The following ZFP82 variants were observed in gnomAD, a reference collection of about 807,000 sequenced individuals.
ZFP82 encodes ZFP82 zinc finger protein, also known as zinc finger protein 82 homolog.
A neutral mutation model predicts 54.0 loss-of-function variants in ZFP82; 30 were observed. The observed-to-expected ratio is 0.56, with a 90% CI of 0.42 to 0.75. ZFP82 has a LOEUF of 0.75. ZFP82 is among the 30% of genes least tolerant of loss of function. The pLI, the probability that ZFP82 is intolerant of heterozygous loss-of-function variation, is 0.00. For synonymous variants in ZFP82, 194 were observed against 209.5 expected, an observed-to-expected ratio of 0.93 and a Z score of 0.64; for missense variants, 500 against 636.8, an observed-to-expected ratio of 0.79 and a Z score of 2.31.
chr19:36,408,105 G>T, intron 2 of ZFP82, 92 bp from the exon 3 acceptor site: 1 of 1,406,446 alleles, frequency 7.1e-7, no homozygotes, highest in Non-Finnish European at 9.7e-7. Context: ...TGCAGGAAGT[G>T]GATCATATGG....
chr19:36,400,129 T>C (rs1188633479), intron 4 of ZFP82, among the ~76,000 whole-genome samples: 1 of 152,266 alleles, frequency 6.6e-6, no homozygotes, highest in Non-Finnish European at 1.5e-5. Flanking sequence ...ATCAAAGGAT[T>C]TCTAGTCCAT....
chr19:36,402,589 A>G (rs914968085), intron 4 of ZFP82, among the ~76,000 whole-genome samples: 4 of 152,150 alleles, frequency 2.6e-5, no homozygotes, highest in African/African-American at 9.7e-5. Flanking sequence ...AAATGGTCCT[A>G]TGGTTATAAA....
rs368377208 is a variant in ZFP82, at chr19:36,393,879, C to T, written c.461G>A (p.Arg154His). Residue 154 changes from arginine (R) to histidine (H), a missense_variant, in exon 5 of 5, where the codon CGC becomes CAC. Physicochemically the swap from Arg to His is conservative, Grantham distance 29 (BLOSUM62 0). Transcript: ENST00000392161. ...TCTCTGATGTGGAGTAACAGATGTGCGTTTCTGGTAAGAGGACACCTTTTC... is the reference window on the plus strand; with the variant it reads ...TCTCTGATGTGGAGTAACAGATGTGTGTTTCTGGTAAGAGGACACCTTTTC... ...PSEKVSSYQK[R>H]TSVTPHQRLH... 9.9e-6 allele frequency: 16 copies of T among 1,614,132 alleles called. No individual in the cohort carries two copies. The highest frequency in any genetic ancestry group is 4.0e-5 in the African/African-American group (3 of 75,032).
chr19:36,389,002 T>G lies in ZFP82; in HGVS notation c.*3739A>C, dbSNP rs1180734801. 6.6e-6 allele frequency among the ~76,000 whole-genome samples: 1 copy of G among 152,038 alleles called. No homozygotes were observed. Among genetic ancestry groups the G allele is most frequent in the Non-Finnish European group, 1.5e-5 (1 of 68,004 alleles). ...TTATCTGTAGGCAACATGTGATCAT[T>G]CATCACTAAATAGTCTACAATTTCA... On this transcript the variant is annotated 3_prime_UTR_variant, in exon 5 of 5. Transcript: ENST00000392161.
chr19:36,393,768 A>T lies in ZFP82; in HGVS notation c.572T>A (p.Ile191Asn), dbSNP rs779465110. ...TTCATACGGTTTTTCACCAGTATGA[A>T]TTCTGTGATGAAAAGTAAGCTGTTG... ...VRQQLTFHHR[I>N]HTGEKPYECK... Residue 191 changes from isoleucine to asparagine, a missense_variant, in exon 5 of 5, where the codon ATT (isoleucine) becomes AAT (asparagine). Transcript: ENST00000392161. 11 of 1,614,052 alleles carry T rather than the reference A, an allele frequency of 6.8e-6. No homozygotes were observed. Among genetic ancestry groups the T allele is most frequent in the Non-Finnish European group, 9.3e-6 (11 of 1,180,018 alleles).
chr19:36,411,721 C>A (rs1226445089), intron 1 of ZFP82, among the ~76,000 whole-genome samples: 2 of 151,810 alleles, frequency 1.3e-5, no homozygotes, highest in Non-Finnish European at 2.9e-5. Flanking sequence ...AAAAATTAGC[C>A]GGGCATGGTG....
chr19:36,399,306 G>T (rs2032346212), intron 4 of ZFP82, among the ~76,000 whole-genome samples: 1 of 152,170 alleles, frequency 6.6e-6, no homozygotes, highest in Admixed American at 6.5e-5. Flanking sequence ...AGAAGCTAAG[G>T]GTGCCCCACC....
At chr19:36,413,642 A>G in intron 1 of ZFP82, among the ~76,000 whole-genome samples, 1 of 152,184 alleles carries the variant, frequency 6.6e-6, no homozygotes, top group East Asian at 1.9e-4. Flanking sequence ...TATTAAAAAT[A>G]CAGGCTTTGT....
chr19:36,404,261 C>T (rs998595511), intron 4 of ZFP82, among the ~76,000 whole-genome samples: 1 of 152,198 alleles, frequency 6.6e-6, no homozygotes, highest in African/African-American at 2.4e-5. Flanking sequence ...AGTCATGGCA[C>T]ATGGCAGGAC....
Position 36,393,297 on chromosome 19 carries a change from C to G in ZFP82, c.1043G>C (p.Arg348Thr), listed in dbSNP as rs1315081698. 1 of 1,614,016 alleles carries G rather than the reference C, an allele frequency of 6.2e-7. No homozygotes were observed. The highest frequency in any genetic ancestry group is 8.5e-7 in the Non-Finnish European group (1 of 1,180,008). Residue 348 changes from arginine to threonine, a missense_variant, in exon 5 of 5, where the codon AGA becomes ACA. Arg to Thr is a moderately conservative substitution (Grantham distance 71). Coordinates refer to ENST00000392161, the MANE Select transcript of ZFP82 (RefSeq NM_133466.4). ...ATGGAGTGTTAGTTGTTGTCGCACTCTAAAGGCCTTCCCGCATTCCTTACA... is the reference window on the plus strand; with the variant it reads ...ATGGAGTGTTAGTTGTTGTCGCACTGTAAAGGCCTTCCCGCATTCCTTACA... ...YECKECGKAFRVRQQLTLHQR... is the reference protein window; with the variant it reads ...YECKECGKAFTVRQQLTLHQR...
rs371498328 is a variant in ZFP82 at position 36,409,485 on chromosome 19, G to C, written c.9+296C>G. Among the ~76,000 whole-genome samples the C allele has an allele frequency of 8.5e-5, 13 of 152,172 alleles. No individual in the cohort carries two copies. The South Asian group carries it at 2.7e-3, about 32-fold the overall frequency. On this transcript the variant is annotated intron_variant, in intron 2 of 4. Transcript: ENST00000392161. Reference sequence around the variant, plus strand: ...CTCAAAGTTCAGTTTTCCTATGAGTGGCTAAATGGGCCCATGGTCAAATAT... The same window carrying C: ...CTCAAAGTTCAGTTTTCCTATGAGTCGCTAAATGGGCCCATGGTCAAATAT...
chr19:36,388,033 TGAG>T (rs2032134986), downstream of ZFP82, among the ~76,000 whole-genome samples: 1 of 152,224 alleles, frequency 6.6e-6, no homozygotes, highest in South Asian at 2.1e-4. Context: ...CTAAGATAAA[TGAG>T]AATAGAAACC....
chr19:36,411,363 T>C (rs577067782), intron 1 of ZFP82, among the ~76,000 whole-genome samples: 119 of 150,560 alleles, frequency 7.9e-4, no homozygotes, highest in Non-Finnish European at 1.3e-3. Flanking sequence ...CATGATTCAC[T>C]AAAAAAAAAT....
chr19:36,412,353 G>A (rs2032595829), intron 1 of ZFP82, among the ~76,000 whole-genome samples: 1 of 152,082 alleles, frequency 6.6e-6, no homozygotes, highest in Non-Finnish European at 1.5e-5. Context: ...TTTGCATAGT[G>A]GAAAGCGTTC....
chr19:36,411,290 T>C (rs2032576311), intron 1 of ZFP82, among the ~76,000 whole-genome samples: 1 of 152,142 alleles, frequency 6.6e-6, no homozygotes, highest in South Asian at 2.1e-4. Context: ...TCGGCTTTCC[T>C]TCAACTCTAG....
At chr19:36,403,011 C>T (rs1051798914) in intron 4 of ZFP82, among the ~76,000 whole-genome samples, 2 of 151,818 alleles carry the variant, frequency 1.3e-5, no homozygotes, top group African/African-American at 2.4e-5. Context: ...GGCGTGGTGG[C>T]GGGCGCCTGT....
intron 4 of ZFP82, among the ~76,000 whole-genome samples, chr19:36,405,246 G>T (rs73928640): frequency 1.0e-4 from 15 of 150,484 alleles, no homozygotes; most frequent in African/African-American, 3.7e-4. Context: ...ATATACAATG[G>T]TTGTCAACAG....
At position 36,393,749 on chromosome 19, in the gene ZFP82, C is replaced by T. The variant is rs114627398; in HGVS notation, c.591G>A (p.Pro197=). 7.4e-5 allele frequency: 120 copies of T among 1,613,384 alleles called. 2 individuals carry two copies. The highest frequency in any genetic ancestry group is 4.9e-4 in the South Asian group (45 of 91,024). Residue 197 remains proline (P), a synonymous_variant, in exon 5 of 5, where the codon CCG becomes CCA. Transcript: ENST00000392161. Reference sequence around the variant, plus strand: ...CCATCCCACATTCCTTACATTCATACGGTTTTTCACCAGTATGAATTCTGT... The same window carrying T: ...CCATCCCACATTCCTTACATTCATATGGTTTTTCACCAGTATGAATTCTGT... ...FHHRIHTGEK[P]YECKECGMAF...
intron 4 of ZFP82, among the ~76,000 whole-genome samples, chr19:36,401,611 A>T (rs540157523): frequency 6.6e-6 from 1 of 152,358 alleles, no homozygotes; most frequent in East Asian, 1.9e-4. Context: ...GTCTAACTCA[A>T]CAACTGAAAC....
Sources: allele counts gnomAD v4.1 joint callset (sites outside exome capture counted in the v4.1 genomes callset), GRCh38; gene constraint gnomAD v4.1.1; transcripts MANE v1.5; gene names NCBI Gene and HGNC (gene_info 2026-07-23, HGNC 2026-07-21).